The following ASIC2 variants were observed in gnomAD, a reference collection of about 807,000 sequenced individuals.
The protein encoded by ASIC2 is acid-sensing ion channel 2.
A neutral mutation model predicts 57.3 loss-of-function variants in ASIC2; 25 were observed. The ratio of observed to expected loss-of-function variants is 0.44; its 90% confidence interval spans 0.32 to 0.61. The LOEUF (loss-of-function observed/expected upper bound fraction) is 0.61. Ranked by LOEUF, ASIC2 falls within the 20% of genes least tolerant of loss-of-function variation. The pLI is 0.06. For missense variants in ASIC2, 641 were observed against 738.1 expected, an observed-to-expected ratio of 0.87 and a Z score of 1.52; for synonymous variants, 319 against 307.5, an observed-to-expected ratio of 1.04 and a Z score of -0.39.
rs570224615 is a variant in ASIC2, at chr17:33,797,778, C to T, written c.555+358200G>A. On this transcript the variant is annotated intron_variant, in intron 1 of 9. Transcript: ENST00000359872. ...AGGACTGAAATGTGGGCATGTTCCG[C>T]GTTTGTACTCTTGGCCTTTGGGGAC... Among the ~76,000 whole-genome samples the T allele has an allele frequency of 3.7e-4, 56 of 152,270 alleles. No individual in the cohort carries two copies. The Middle Eastern group carries it at 0.01, about 28-fold the overall frequency.
intron 1 of ASIC2, among the ~76,000 whole-genome samples, chr17:34,026,346 T>C (rs1306994113): frequency 6.6e-6 from 1 of 152,144 alleles, no homozygotes; most frequent in African/African-American, 2.4e-5. Context: ...TTAGCTTCTG[T>C]AAATGTCTGG....
chr17:34,145,475 A>T (rs1368113510), intron 1 of ASIC2, among the ~76,000 whole-genome samples: 1 of 152,160 alleles, frequency 6.6e-6, no homozygotes, highest in Admixed American at 6.6e-5. Flanking sequence ...ATTGATCCAC[A>T]TCTGCAGCAT....
chr17:33,613,428 G>A (rs1399506660), intron 1 of ASIC2, among the ~76,000 whole-genome samples: 2 of 145,594 alleles, frequency 1.4e-5, no homozygotes, highest in Admixed American at 7.1e-5. Flanking sequence ...GCAGTGTTGC[G>A]ATCTCGGCTC....
intron 1 of ASIC2, among the ~76,000 whole-genome samples, chr17:34,061,344 A>C (rs753632690): frequency 6.6e-6 from 1 of 152,224 alleles, no homozygotes; most frequent in Non-Finnish European, 1.5e-5. Context: ...AACTGCTAAA[A>C]GGAGCTCTAA....
intron 1 of ASIC2, among the ~76,000 whole-genome samples, chr17:33,327,994 C>T (rs1318366994): frequency 6.6e-6 from 1 of 152,200 alleles, no homozygotes; most frequent in Non-Finnish European, 1.5e-5. Context: ...TGGCCAGCAA[C>T]CACCAGAAGC....
At chr17:33,245,397 G>A (rs1413583603) in intron 1 of ASIC2, among the ~76,000 whole-genome samples, 1 of 152,136 alleles carries the variant, frequency 6.6e-6, no homozygotes, top group Non-Finnish European at 1.5e-5. Context: ...AGTCAATATG[G>A]AATTTTCATT....
At chr17:33,528,122 C>T (rs1914939675) in intron 1 of ASIC2, among the ~76,000 whole-genome samples, 1 of 143,484 alleles carries the variant, frequency 7.0e-6, no homozygotes, top group African/African-American at 2.5e-5. Flanking sequence ...TAGGAGGTGG[C>T]AGGGAGGATT....
chr17:33,697,843 T>C (rs574622491), intron 1 of ASIC2, among the ~76,000 whole-genome samples: 4 of 152,358 alleles, frequency 2.6e-5, no homozygotes, highest in African/African-American at 7.2e-5. Context: ...GAACTCTGAC[T>C]GTCAGTGACA....
At chr17:33,330,976 A>T (rs369625558) in intron 1 of ASIC2, among the ~76,000 whole-genome samples, 26 of 152,226 alleles carry the variant, frequency 1.7e-4, no homozygotes, top group African/African-American at 6.0e-4. Context: ...AGGGGTCCCC[A>T]ACCCCTGGGC....
chr17:33,802,865 A>G (rs967424317), intron 1 of ASIC2, among the ~76,000 whole-genome samples: 3 of 152,192 alleles, frequency 2.0e-5, no homozygotes, highest in Admixed American at 1.3e-4. Flanking sequence ...GTGAAGGGCA[A>G]TTCCACAATG....
At chr17:33,058,974 G>C (rs2092009853) in intron 3 of ASIC2, among the ~76,000 whole-genome samples, 1 of 152,114 alleles carries the variant, frequency 6.6e-6, no homozygotes, top group Non-Finnish European at 1.5e-5. Flanking sequence ...GATATGGAGA[G>C]TACGTTGGAT....
intron 1 of ASIC2, among the ~76,000 whole-genome samples, chr17:33,216,231 C>T (rs569975101): frequency 4.3e-4 from 65 of 152,276 alleles, no homozygotes; most frequent in African/African-American, 1.5e-3. Context: ...ATTATTAGGT[C>T]GGCGCATCAA....
At chr17:34,019,771 C>T (rs1263030750) in intron 1 of ASIC2, among the ~76,000 whole-genome samples, 1 of 152,216 alleles carries the variant, frequency 6.6e-6, no homozygotes, top group African/African-American at 2.4e-5. Context: ...ATCAAACCCA[C>T]AATATCTCCA....
intron 1 of ASIC2, among the ~76,000 whole-genome samples, chr17:33,799,154 G>A (rs561686725): frequency 2.6e-5 from 4 of 152,172 alleles, no homozygotes; most frequent in African/African-American, 7.2e-5. Context: ...TTACCTTTAC[G>A]CCTAGGGCTA....
intron 1 of ASIC2, among the ~76,000 whole-genome samples, chr17:33,866,196 T>A (rs1348671285): frequency 6.6e-6 from 1 of 152,216 alleles, no homozygotes; most frequent in African/African-American, 2.4e-5. Context: ...TACAAATAGA[T>A]TTTTATGCAT....
At chr17:34,086,536 C>T (rs1910118358) in intron 1 of ASIC2, among the ~76,000 whole-genome samples, 1 of 152,030 alleles carries the variant, frequency 6.6e-6, no homozygotes, top group African/African-American at 2.4e-5. Flanking sequence ...GTGGAGAGTT[C>T]TGTAGATGTC....
intron 3 of ASIC2, among the ~76,000 whole-genome samples, chr17:33,061,672 C>A (rs2092021194): frequency 6.6e-6 from 1 of 152,292 alleles, no homozygotes; most frequent in Non-Finnish European, 1.5e-5. Context: ...TGATGCTGGC[C>A]TCATAAAACG....
At chr17:33,462,945 A>G (rs869097) in intron 1 of ASIC2, among the ~76,000 whole-genome samples, 36,979 of 152,066 alleles carry the variant, frequency 0.24, 4,599 homozygotes, top group African/African-American at 0.27. Context: ...GATTTGGGCC[A>G]CCTGTCCCTC....
At chr17:33,538,909 A>T (rs183448642) in intron 1 of ASIC2, among the ~76,000 whole-genome samples, 1 of 152,348 alleles carries the variant, frequency 6.6e-6, no homozygotes, top group Admixed American at 6.5e-5. Flanking sequence ...ACAATCTTCT[A>T]AATCTATAAA....
Sources: allele counts gnomAD v4.1 joint callset (sites outside exome capture counted in the v4.1 genomes callset), GRCh38; gene constraint gnomAD v4.1.1; transcripts MANE v1.5; gene names NCBI Gene and HGNC (gene_info 2026-07-23, HGNC 2026-07-21).